FHIT: variants seen among roughly 807,000 people sequenced by gnomAD.
The protein encoded by FHIT is bis(5'-adenosyl)-triphosphatase.
Under a neutral mutation model 17.9 loss-of-function variants are expected in FHIT, and 19 were observed. The ratio of observed to expected loss-of-function variants is 1.06; its 90% confidence interval spans 0.74 to 1.56. The LOEUF (loss-of-function observed/expected upper bound fraction) is 1.56. FHIT is among the 40% of genes most tolerant of loss of function. The pLI is 0.00. For synonymous variants in FHIT, 81 were observed against 69.7 expected (o/e 1.16, Z -0.81); for missense variants, 248 against 189.2 (o/e 1.31, Z -1.82).
At chr3:60,976,105 T>TTTTTTTTTC (rs1710233422) in intron 3 of FHIT, among the ~76,000 whole-genome samples, 1 of 122,168 alleles carries the variant, frequency 8.2e-6, no homozygotes, top group Non-Finnish European at 1.7e-5. Context: ...TCTTTTTTTT[T>TTTTTTTTTC]TTTTTTTTTT....
chr3:60,606,452 G>T (rs1306110141), intron 4 of FHIT, among the ~76,000 whole-genome samples: 1 of 152,000 alleles, frequency 6.6e-6, no homozygotes, highest in African/African-American at 2.4e-5. Flanking sequence ...TGTTACCCAG[G>T]CTGGTCTCAA....
intron 3 of FHIT, among the ~76,000 whole-genome samples, chr3:60,945,731 G>A (rs880002332): frequency 1.3e-5 from 2 of 152,270 alleles, no homozygotes; most frequent in East Asian, 3.9e-4. Context: ...AGGTAGGCTT[G>A]TAGATTTGCT....
At chr3:59,842,740 C>T (rs1439154060) in intron 8 of FHIT, among the ~76,000 whole-genome samples, 1 of 152,066 alleles carries the variant, frequency 6.6e-6, no homozygotes, top group African/African-American at 2.4e-5. Context: ...GTCCTTTGCG[C>T]ATTTTTGAAT....
At chr3:60,502,763 C>A (rs2034574167) in intron 5 of FHIT, among the ~76,000 whole-genome samples, 1 of 152,012 alleles carries the variant, frequency 6.6e-6, no homozygotes, top group Admixed American at 6.6e-5. Flanking sequence ...ATAGTAAAAG[C>A]CATTAAAATC....
intron 3 of FHIT, among the ~76,000 whole-genome samples, chr3:60,835,549 T>A (rs1296532534): frequency 6.6e-6 from 1 of 152,180 alleles, no homozygotes. Context: ...GAAATACAAT[T>A]GATAATTTAA....
chr3:61,236,930 A>C (rs1285815626), intron 1 of FHIT, among the ~76,000 whole-genome samples: 1 of 152,208 alleles, frequency 6.6e-6, no homozygotes, highest in Non-Finnish European at 1.5e-5. Context: ...CCATGCCCTT[A>C]CATGATCTAC....
intron 5 of FHIT, among the ~76,000 whole-genome samples, chr3:60,409,173 C>A (rs746193743): frequency 1.3e-5 from 2 of 152,172 alleles, no homozygotes; most frequent in African/African-American, 2.4e-5. Context: ...GCCCAAAGTT[C>A]TTTTACTTGG....
chr3:59,820,686 G>A (rs1347071025), intron 8 of FHIT, among the ~76,000 whole-genome samples: 8 of 152,190 alleles, frequency 5.3e-5, no homozygotes, highest in Non-Finnish European at 8.8e-5. Flanking sequence ...TAACATATTT[G>A]TCACTGGGTA....
intron 4 of FHIT, among the ~76,000 whole-genome samples, chr3:60,637,264 G>T (rs1243587447): frequency 6.6e-6 from 1 of 152,142 alleles, no homozygotes; most frequent in Non-Finnish European, 1.5e-5. Context: ...AAACTTCTTG[G>T]AATTTTAGTA....
At chr3:60,452,399 A>C (rs993609918) in intron 5 of FHIT, among the ~76,000 whole-genome samples, 2 of 152,206 alleles carry the variant, frequency 1.3e-5, no homozygotes, top group African/African-American at 4.8e-5. Flanking sequence ...CTGTGTACCC[A>C]AGATGACTAA....
intron 5 of FHIT, among the ~76,000 whole-genome samples, chr3:60,183,470 T>A (rs973651632): frequency 6.6e-6 from 1 of 152,108 alleles, no homozygotes; most frequent in Admixed American, 6.5e-5. Context: ...TGAAAGTGTT[T>A]TGTTCAATTT....
chr3:59,916,348 C>T (rs769422334), intron 8 of FHIT, among the ~76,000 whole-genome samples: 7 of 152,088 alleles, frequency 4.6e-5, no homozygotes, highest in East Asian at 1.9e-4. Flanking sequence ...AAGGCTGCAC[C>T]GTCAGCTTCC....
chr3:60,103,845 T>C (rs10510827), intron 5 of FHIT, among the ~76,000 whole-genome samples: 23,342 of 152,246 alleles, frequency 0.15, 2,103 homozygotes, highest in Non-Finnish European at 0.19. Context: ...TTTACTTGGA[T>C]ATTAAGTTCC....
chr3:60,156,409 T>A (rs1022498925), intron 5 of FHIT, among the ~76,000 whole-genome samples: 1 of 151,344 alleles, frequency 6.6e-6, no homozygotes, highest in Admixed American at 6.6e-5. Flanking sequence ...AAAACTCAGA[T>A]GTTATAGTAG....
At chr3:60,420,663 C>A (rs375370594) in intron 5 of FHIT, among the ~76,000 whole-genome samples, 413 of 152,262 alleles carry the variant, frequency 2.7e-3, no homozygotes, top group African/African-American at 9.4e-3. Context: ...TTCTCTCTGG[C>A]AAACTGCTCA....
At chr3:59,755,565 A>T (rs1356838453) in intron 8 of FHIT, among the ~76,000 whole-genome samples, 1 of 152,226 alleles carries the variant, frequency 6.6e-6, no homozygotes, top group Non-Finnish European at 1.5e-5. Flanking sequence ...CTTCTAGATT[A>T]CTTTGGCTGC....
At position 59,752,293 on chromosome 3, in the gene FHIT, G is replaced by C. The variant is rs1425056590; in HGVS notation, c.377C>G (p.Pro126Arg). ...ELQKHDKEDFPASWRSEEEMA... is the reference protein window; with the variant it reads ...ELQKHDKEDFRASWRSEEEMA... ...TTCCTCCTCTGATCTCCAAGAGGCAGGAAAGTCCTCCTTGTCATGTTTCTG... is the reference window on the plus strand; with the variant it reads ...TTCCTCCTCTGATCTCCAAGAGGCACGAAAGTCCTCCTTGTCATGTTTCTG... The change falls in exon 9 of 10, where the codon CCT becomes CGT. Residue 126 changes from proline to arginine, a missense_variant. Coordinates refer to ENST00000492590, the MANE Select transcript of FHIT (RefSeq NM_002012.4). The C allele has an allele frequency of 6.2e-7, 1 of 1,612,892 alleles. No individual in the cohort carries two copies. The highest frequency in any genetic ancestry group is 1.3e-5 in the African/African-American group (1 of 74,818).
intron 5 of FHIT, among the ~76,000 whole-genome samples, chr3:60,422,896 C>T (rs911154152): frequency 6.6e-6 from 1 of 152,108 alleles, no homozygotes; most frequent in Non-Finnish European, 1.5e-5. Flanking sequence ...GTAGACCCAA[C>T]CCTCCTTAAT....
chr3:60,569,296 T>A (rs1429597915), intron 4 of FHIT, among the ~76,000 whole-genome samples: 1 of 152,134 alleles, frequency 6.6e-6, no homozygotes, highest in Non-Finnish European at 1.5e-5. Context: ...TAAGGATACC[T>A]CCTGGCCACC....
Sources: allele counts gnomAD v4.1 joint callset (sites outside exome capture counted in the v4.1 genomes callset), GRCh38; gene constraint gnomAD v4.1.1; transcripts MANE v1.5; gene names NCBI Gene and HGNC (gene_info 2026-07-23, HGNC 2026-07-21).